The following NLRC4 variants were observed in gnomAD, a reference collection of about 807,000 sequenced individuals.
NLRC4 encodes NLR family CARD domain-containing protein 4.
Under a neutral mutation model 79.9 loss-of-function variants are expected in NLRC4, and 63 were observed. That is an observed-to-expected ratio of 0.79 (90% CI 0.64 to 0.97). NLRC4 has a LOEUF of 0.97. Ranked by LOEUF, NLRC4 falls within the 50% of genes least tolerant of loss-of-function variation. The pLI is 0.00. For synonymous variants in NLRC4, 461 were observed against 456.5 expected (o/e 1.01, Z -0.12); for missense variants, 1,074 against 1,215.2 (o/e 0.88, Z 1.73).
chr2:32,263,253 T>C (rs1687394402), intron 1 of NLRC4, among the ~76,000 whole-genome samples: 1 of 152,164 alleles, frequency 6.6e-6, no homozygotes, highest in Non-Finnish European at 1.5e-5. Flanking sequence ...AAATCCTCAC[T>C]CTGCACCTTA....
At position 32,262,501 on chromosome 2, in the gene NLRC4, G is replaced by A. The variant is rs76177196; in HGVS notation, c.-119+2237C>T. Among the ~76,000 whole-genome samples, 654 of 152,278 alleles carry A rather than the reference G, an allele frequency of 4.3e-3. 3 individuals are homozygous for A. Among genetic ancestry groups the A allele is most frequent in the African/African-American group, 0.012 (501 of 41,552 alleles). ...TAAAGAATAGGGCTGTGGACCAGGC[G>A]TGGTGGTTCACGCTTGTAATCCCAG... On this transcript the variant is annotated intron_variant, in intron 1 of 8. Coordinates refer to ENST00000402280, the MANE Select transcript of NLRC4 (RefSeq NM_001199138.2).
chr2:32,248,634 A>G (rs558186211), intron 4 of NLRC4, among the ~76,000 whole-genome samples: 1 of 152,280 alleles, frequency 6.6e-6, no homozygotes, highest in Admixed American at 6.5e-5. Context: ...AGCCTGGGAA[A>G]CATAGTGAGA....
At chr2:32,252,737 G>A (rs1044069532) in intron 2 of NLRC4, 58 bp from the exon 3 acceptor site, 15 of 1,488,210 alleles carry the variant, frequency 1.0e-5, no homozygotes, top group Middle Eastern at 1.8e-4. Flanking sequence ...GTGCATATCC[G>A]GCTGGGCACG....
chr2:32,251,414 C>T lies in NLRC4; in HGVS notation c.450G>A (p.Glu150=). ...WRKDQHHHRV[E]QLTLNGLLQA... is the part of the protein sequence containing the mutation. ...GCAGGAGGCCATTCAGGGTCAGCTGCTCCACGCGGTGATGGTGTTGGTCCT... is the reference window on the plus strand; with the variant it reads ...GCAGGAGGCCATTCAGGGTCAGCTGTTCCACGCGGTGATGGTGTTGGTCCT... Residue 150 remains glutamate, a synonymous_variant, in exon 4 of 9, where the codon GAG becomes GAA. Coordinates refer to ENST00000402280, the MANE Select transcript of NLRC4 (RefSeq NM_001199138.2). 6.2e-7 allele frequency: 1 copy of T among 1,614,092 alleles called. No individual in the cohort carries two copies. Among genetic ancestry groups the T allele is most frequent in the Non-Finnish European group, 8.5e-7 (1 of 1,180,006 alleles).
chr2:32,227,296 G>C (rs952098140), intron 8 of NLRC4, among the ~76,000 whole-genome samples: 2 of 152,132 alleles, frequency 1.3e-5, no homozygotes, highest in Admixed American at 1.3e-4. Context: ...TGTAAGCCAT[G>C]GTATAGTTGG....
rs1219771431 is a variant in NLRC4 at position 32,236,247 on chromosome 2, T to C, written c.2614A>G (p.Ile872Val). 4 of 1,585,140 alleles carry C rather than the reference T, an allele frequency of 2.5e-6. No individual in the cohort carries two copies. Among genetic ancestry groups the C allele is most frequent in the Non-Finnish European group, 3.5e-6 (4 of 1,157,570 alleles). ...ATTTTGGCTGAATTGTCATTCTTAC[T>C]CAGTTCATGAAGAGCTTCATTTCCA... ...KDGNEALHEL[I>V]DRMNVLEQLT... is the part of the protein sequence containing the mutation. The change falls in exon 7 of 9, where the codon ATC becomes GTC. Residue 872 changes from isoleucine (I) to valine (V), a missense_variant and splice_region_variant. By Grantham distance (29) the Ile-to-Val change is conservative. Transcript: ENST00000402280.
At position 32,250,708 on chromosome 2, in the gene NLRC4, A is replaced by G. The variant is rs1408462382; in HGVS notation, c.1156T>C (p.Phe386Leu). 21 of 1,614,236 alleles carry G rather than the reference A, an allele frequency of 1.3e-5. No homozygotes were observed. Among genetic ancestry groups the G allele is most frequent in the Admixed American group, 5.0e-5 (3 of 60,026 alleles). Residue 386 changes from phenylalanine to leucine, a missense_variant, in exon 4 of 9, where the codon TTC becomes CTC. Physicochemically the swap from Phe to Leu is conservative, Grantham distance 22. Coordinates refer to ENST00000402280, the MANE Select transcript of NLRC4 (RefSeq NM_001199138.2). The surrounding 1 kb of genome is among the most constrained non-coding windows in gnomAD (Gnocchi z 4.9). Reference protein sequence around the residue: ...HKHKGVAASDFIRSLDHCGDL... With the variant: ...HKHKGVAASDLIRSLDHCGDL... ...CCACAGTGGTCCAGGCTCCGAATGA[A>G]GTCACTTGCAGCCACACCTTTATGT...
chr2:32,248,852 C>G (rs1573490800), intron 4 of NLRC4, among the ~76,000 whole-genome samples: 1 of 152,166 alleles, frequency 6.6e-6, no homozygotes, highest in Non-Finnish European at 1.5e-5. Flanking sequence ...GCATTGGTCT[C>G]AAGATAAGCA....
intron 8 of NLRC4, among the ~76,000 whole-genome samples, chr2:32,229,989 CAG>C (rs1190027326): frequency 3.9e-5 from 6 of 152,078 alleles, no homozygotes; most frequent in Admixed American, 6.6e-5. Flanking sequence ...AGATAGGACT[CAG>C]GGAGAGTTTT....
intron 8 of NLRC4, among the ~76,000 whole-genome samples, chr2:32,234,874 C>T (rs1159394066): frequency 6.6e-6 from 1 of 152,182 alleles, no homozygotes; most frequent in Non-Finnish European, 1.5e-5. Flanking sequence ...TGTTTTGAGG[C>T]CATATGTTAT....
Position 32,254,581 on chromosome 2 carries a change from A to G in NLRC4, c.2-1902T>C, listed in dbSNP as rs146041278. On this transcript the variant is annotated intron_variant, in intron 2 of 8. Coordinates refer to ENST00000402280, the MANE Select transcript of NLRC4 (RefSeq NM_001199138.2). Reference sequence around the variant, plus strand: ...TTTTTAACTCTCAGACACCGTCTGCACTAGATTTCTTCCTGGGCTAGGCTG... The same window carrying G: ...TTTTTAACTCTCAGACACCGTCTGCGCTAGATTTCTTCCTGGGCTAGGCTG... Among the ~76,000 whole-genome samples, 1,396 of 145,918 alleles carry G rather than the reference A, an allele frequency of 9.6e-3. 29 individuals carry two copies. The highest frequency in any genetic ancestry group is 0.051 in the South Asian group (237 of 4,638).
At position 32,235,584 on chromosome 2, in the gene NLRC4, A is replaced by G. The variant is rs1014142820; in HGVS notation, c.2615-16T>C. The G allele has an allele frequency of 2.5e-6, 4 of 1,611,648 alleles. No homozygotes were observed. Among genetic ancestry groups the G allele is most frequent in the Non-Finnish European group, 3.4e-6 (4 of 1,177,970 alleles). On this transcript the variant is annotated splice_polypyrimidine_tract_variant and intron_variant, in intron 7 of 8. Coordinates refer to ENST00000402280, the MANE Select transcript of NLRC4 (RefSeq NM_001199138.2). ...ATCCTGTCGACTGGAAGAAACAAAG[A>G]GCAGTTCAGGGACTGGATGGTCTCA...
Position 32,251,423 on chromosome 2 carries a change from G to A in NLRC4, c.441C>T (p.His147=). 6.2e-7 allele frequency: 1 copy of A among 1,614,168 alleles called. No homozygotes were observed. Among genetic ancestry groups the A allele is most frequent in the East Asian group, 2.2e-5 (1 of 44,874 alleles). The stretch of plus-strand genomic sequence containing the variant: ...CATTCAGGGTCAGCTGCTCCACGCG[G>A]TGATGGTGTTGGTCCTTCCTCCACA... The part of the protein sequence containing the change: ...PVLWRKDQHH[H]RVEQLTLNGL... Residue 147 remains histidine (H), a synonymous_variant, in exon 4 of 9, where the codon CAC becomes CAT. Coordinates refer to ENST00000402280, the MANE Select transcript of NLRC4 (RefSeq NM_001199138.2).
chr2:32,254,703 C>G (rs1338287851), intron 2 of NLRC4, among the ~76,000 whole-genome samples: 2 of 146,050 alleles, frequency 1.4e-5, no homozygotes, highest in Non-Finnish European at 3.0e-5. Flanking sequence ...ACCACAACCT[C>G]TGCCTGCCAG....
intron 8 of NLRC4, among the ~76,000 whole-genome samples, chr2:32,231,301 T>C (rs1235922736): frequency 6.6e-6 from 1 of 151,996 alleles, no homozygotes; most frequent in Non-Finnish European, 1.5e-5. Flanking sequence ...ATTACAGGTA[T>C]GTGCCACCAC....
intron 4 of NLRC4, among the ~76,000 whole-genome samples, chr2:32,245,171 C>T (rs548217359): frequency 1.3e-5 from 2 of 151,566 alleles, no homozygotes; most frequent in East Asian, 1.9e-4. Context: ...ATTAGCCAGG[C>T]GTGTTATTGG....
chr2:32,250,860 A>G lies in NLRC4; in HGVS notation c.1004T>C (p.Met335Thr). Residue 335 changes from methionine (M) to threonine (T), a missense_variant, in exon 4 of 9, where the codon ATG (methionine) becomes ACG (threonine). Physicochemically the swap from Met to Thr is moderately conservative, Grantham distance 81. Transcript: ENST00000402280. This position sits in a 1 kb window ranked among gnomAD's most constrained non-coding sequence, Gnocchi z 4.9. ...IQKSRCLRNL[M>T]KTPLFVVITC... ...GATGACCACAAAGAGAGGGGTCTTC[A>G]TGAGATTCCTCAAGCACCTGGATTT... The G allele has an allele frequency of 1.2e-6, 2 of 1,614,234 alleles. No homozygotes were observed. The highest frequency in any genetic ancestry group is 1.7e-6 in the Non-Finnish European group (2 of 1,180,046).
At chr2:32,251,755 C>G (rs1687084077) in intron 3 of NLRC4, among the ~76,000 whole-genome samples, 154 bp from the exon 4 acceptor site, 1 of 152,242 alleles carries the variant, frequency 6.6e-6, no homozygotes, top group East Asian at 1.9e-4. Context: ...AGGGTTCTGT[C>G]TGCTCCCCCT....
At chr2:32,265,103 C>T (rs1687436592), upstream of NLRC4, among the ~76,000 whole-genome samples, 1 of 152,174 alleles carries the variant, frequency 6.6e-6, no homozygotes, top group African/African-American at 2.4e-5. Context: ...GAATTCATTG[C>T]TGTTGAGTTA....
Sources: gnomAD v4.1 joint callset for allele counts (sites outside exome capture counted in the v4.1 genomes callset) on GRCh38, gnomAD v4.1.1 for gene constraint, Gnocchi (gnomAD v3.1) non-coding constraint, MANE v1.5 for transcripts, NCBI Gene and HGNC (gene_info 2026-07-23, HGNC 2026-07-21) for gene names.